The following ZNF862 variants were observed in gnomAD, a reference collection of about 807,000 sequenced individuals.
ZNF862 encodes zinc finger protein 862.
Under a neutral mutation model 91.1 loss-of-function variants are expected in ZNF862, and 64 were observed. The observed-to-expected ratio is 0.70, with a 90% CI of 0.57 to 0.87. The LOEUF (loss-of-function observed/expected upper bound fraction) is 0.87. Among genes scored for constraint, ZNF862 ranks in the 40% least tolerant of loss-of-function variants. The probability of loss-of-function intolerance (pLI) is 0.00; values close to 1 mark genes in which losing one functional copy is unlikely to be tolerated. For missense variants in ZNF862, 1,459 were observed against 1,528.0 expected (o/e 0.95, Z 0.75); for synonymous variants, 631 against 618.1 (o/e 1.02, Z -0.31).
In ZNF862 at chr7:149,850,837, A is replaced by AGC. The variant is rs1251778616; in HGVS notation, c.1117+500_1117+501dup. 2 of 157,180 alleles carry AGC rather than the reference A, an allele frequency of 1.3e-5. No individual in the cohort carries two copies. The highest frequency in any genetic ancestry group is 2.8e-5 in the Non-Finnish European group (2 of 70,866). 9.7% of individuals were successfully genotyped at this position (157,180 alleles called of 1,614,324 possible). A position where few individuals can be genotyped will look rare whatever the true frequency, so the allele number is the denominator to read the frequency against. Reference sequence around the variant, plus strand: ...TGGATCAGAAGGAGGAAGGGCATTGAGCCATGATGGAGGGGACGGCCTGGC... The same window carrying AGC: ...TGGATCAGAAGGAGGAAGGGCATTGAGCGCCATGATGGAGGGGACGGCCTGGC... On this transcript the variant is annotated intron_variant, in intron 5 of 7. Transcript: ENST00000223210. This position sits in a 1 kb window ranked among gnomAD's most constrained non-coding sequence, Gnocchi z 4.2.
At position 149,860,695 on chromosome 7, in the gene ZNF862, AAGTGG is replaced by A. The variant is rs771670802; in HGVS notation, c.1538_1542del (p.Val513AspfsTer6). The stretch of plus-strand genomic sequence containing the variant: ...GTCAGAGGTTACACGGGGCCTTTTA[AAGTGG>A]AGACTTTAAAATACCATGAAGTCAG... On this transcript the variant is annotated frameshift_variant, in exon 7 of 8. Transcript: ENST00000223210. LOFTEE classifies it high-confidence loss of function. 1 of 1,613,946 alleles carries A rather than the reference AAGTGG, an allele frequency of 6.2e-7. No homozygotes were observed. Among genetic ancestry groups the A allele is most frequent in the East Asian group, 2.2e-5 (1 of 44,880 alleles).
At chr7:149,845,436 G>A (rs1409980154) in intron 2 of ZNF862, among the ~76,000 whole-genome samples, 2 of 152,152 alleles carry the variant, frequency 1.3e-5, no homozygotes, top group Admixed American at 6.5e-5. Flanking sequence ...TGTAAGGCAC[G>A]GTAGAAGCAA....
In ZNF862 at chr7:149,863,674, A is replaced by G. The variant is rs181652433; in HGVS notation, c.3335-435A>G. ...AACAGGACCAGCACAGATTGGTCCA[A>G]ACACTGCCAAACTACGCACCGCTGC... On this transcript the variant is annotated intron_variant, in intron 7 of 7. Transcript: ENST00000223210. 2.2e-3 allele frequency among the ~76,000 whole-genome samples: 340 copies of G among 152,310 alleles called. 5 individuals are homozygous for G. In the South Asian group the frequency reaches 0.031, roughly 14 times the overall value.
intron 4 of ZNF862, 114 bp downstream of exon 4, chr7:149,848,546 A>T: frequency 1.2e-6 from 1 of 868,298 alleles, no homozygotes; most frequent in East Asian, 2.8e-5. Flanking sequence ...CACTGCTAAC[A>T]TCATAATGTT....
chr7:149,842,748 C>T (rs147526306), intron 1 of ZNF862, among the ~76,000 whole-genome samples: 84 of 152,302 alleles, frequency 5.5e-4, no homozygotes, highest in African/African-American at 1.9e-3. Flanking sequence ...ACAGGCTGCC[C>T]TCCCGTCCTG....
rs1801937741 is a variant in ZNF862, at chr7:149,848,053, T to G, written c.560T>G (p.Val187Gly). The G allele has an allele frequency of 6.2e-7, 1 of 1,613,958 alleles. No individual in the cohort carries two copies. Residue 187 changes from valine (V) to glycine (G), a missense_variant, in exon 4 of 8, where the codon GTG becomes GGG. Transcript: ENST00000223210. ...LIEGYTGPFK[V>G]ETLKYHAKSK... ...GAAGGTTATACAGGACCATTCAAGG[T>G]GGAGACTCTCAAATACCACGCGAAG... is the stretch of plus-strand genomic sequence containing the variant.
intron 1 of ZNF862, among the ~76,000 whole-genome samples, chr7:149,843,067 A>G (rs1801759517): frequency 1.3e-5 from 2 of 152,242 alleles, no homozygotes; most frequent in Admixed American, 1.3e-4. Context: ...ATTCTCAGGA[A>G]AGAAGGGTAA....
intron 3 of ZNF862, among the ~76,000 whole-genome samples, chr7:149,847,170 G>C (rs967749252): frequency 6.6e-6 from 1 of 152,210 alleles, no homozygotes; most frequent in African/African-American, 2.4e-5. Flanking sequence ...GAAGGTTTAT[G>C]TTATAAGAGA....
intron 1 of ZNF862, 90 bp downstream of exon 1, chr7:149,838,725 C>T: frequency 2.3e-6 from 2 of 860,318 alleles, no homozygotes; most frequent in African/African-American, 1.7e-5. Context: ...GGCGGAGGCC[C>T]CGCAGATGAG....
At chr7:149,840,344 TGTGTTAAGCTAAGTGTTATTACA>T (rs1801661830) in intron 1 of ZNF862, among the ~76,000 whole-genome samples, 2 of 152,182 alleles carry the variant, frequency 1.3e-5, no homozygotes, top group African/African-American at 4.8e-5. Context: ...GTGTACAATG[TGTGTTAAGCTAAGTGTTATTACA>T]AAAGAGTCAA....
At chr7:149,852,337 TTGTGTGTGTGTGTG>T (rs10674865) in intron 5 of ZNF862, among the ~76,000 whole-genome samples, 1 of 140,408 alleles carries the variant, frequency 7.1e-6, no homozygotes, top group Admixed American at 7.1e-5. Context: ...GAACTCAGTT[TTGTGTGTGTGTGTG>T]TGTGTGTGTG....
rs1802658522 is a variant in ZNF862 at position 149,864,845 on chromosome 7, T to C, written c.*561T>C. ...AACTCTACCTCTTCCCAGGGCTTCC[T>C]TTAGGGCGAAACAATCACAAGCCCT... On this transcript the variant is annotated 3_prime_UTR_variant, in exon 8 of 8. Transcript: ENST00000223210. The C allele has an allele frequency of 6.5e-6, 1 of 153,096 alleles. No individual in the cohort carries two copies. Among genetic ancestry groups the C allele is most frequent in the Non-Finnish European group, 1.5e-5 (1 of 68,718 alleles). The allele number at this position is 153,096 out of a possible 1,614,324, so 9.5% of individuals were successfully genotyped here.
intron 3 of ZNF862, among the ~76,000 whole-genome samples, chr7:149,846,622 G>A (rs1372225228): frequency 6.7e-6 from 1 of 148,574 alleles, no homozygotes; most frequent in Admixed American, 6.7e-5. Context: ...ATGAACAGCT[G>A]TCTGCTAAGT....
chr7:149,844,339 G>A (rs554099042), intron 1 of ZNF862, among the ~76,000 whole-genome samples: 17 of 152,308 alleles, frequency 1.1e-4, no homozygotes, highest in Non-Finnish European at 1.8e-4. Flanking sequence ...GAGAAGAAAC[G>A]GGCGTGTGGG....
At chr7:149,859,978 A>C in intron 6 of ZNF862, 1 of 255,142 alleles carries the variant, frequency 3.9e-6, no homozygotes, top group Non-Finnish European at 7.5e-6. Context: ...CTTCCTTCTG[A>C]GGCTTGTAAA....
chr7:149,862,674 C>T (rs950894602), intron 7 of ZNF862, among the ~76,000 whole-genome samples, 180 bp downstream of exon 7: 3 of 152,224 alleles, frequency 2.0e-5, no homozygotes, highest in African/African-American at 4.8e-5. Flanking sequence ...GGAGATGACG[C>T]ACATGTGCTC....
intron 5 of ZNF862, chr7:149,856,213 C>G (rs1167298560): frequency 2.6e-5 from 4 of 152,268 alleles, no homozygotes; most frequent in Non-Finnish European, 5.9e-5. Flanking sequence ...GCCGGAATCA[C>G]ACTTTCATAT....
chr7:149,864,675 A>G lies in ZNF862; in HGVS notation c.*391A>G, dbSNP rs1802653182. The G allele has an allele frequency of 6.0e-6, 1 of 166,760 alleles. No homozygotes were observed. 10.3% of individuals were successfully genotyped at this position (166,760 alleles called of 1,614,324 possible). ...GAGGCTGCCCACAGTCTAAGTGGGA[A>G]TGGGAAAGACCACCTTGTTAGAGGG... On this transcript the variant is annotated 3_prime_UTR_variant, in exon 8 of 8. Coordinates refer to ENST00000223210, the MANE Select transcript of ZNF862 (RefSeq NM_001099220.3).
At chr7:149,863,300 G>A (rs902930864) in intron 7 of ZNF862, among the ~76,000 whole-genome samples, 20 of 146,038 alleles carry the variant, frequency 1.4e-4, no homozygotes, top group East Asian at 9.6e-4. Flanking sequence ...CTCTCTCCTC[G>A]CGTCTCTAGC....
Sources: allele counts gnomAD v4.1 joint callset (sites outside exome capture counted in the v4.1 genomes callset), GRCh38; gene constraint gnomAD v4.1.1; non-coding constraint Gnocchi (gnomAD v3.1); transcripts MANE v1.5; gene names NCBI Gene and HGNC (gene_info 2026-07-23, HGNC 2026-07-21).